The following PWWP3B variants were observed in gnomAD, a reference collection of about 807,000 sequenced individuals.
PWWP3B encodes PWWP domain containing 3B.
A neutral mutation model predicts 15.7 loss-of-function variants in PWWP3B; 5 were observed. The ratio of observed to expected loss-of-function variants is 0.32; its 90% confidence interval spans 0.17 to 0.67. The LOEUF (loss-of-function observed/expected upper bound fraction) is 0.67, where lower values mean the gene tolerates loss of function less well. Among genes scored for constraint, PWWP3B ranks in the 30% least tolerant of loss-of-function variants. The probability of loss-of-function intolerance (pLI) is 0.74; values close to 1 mark genes in which losing one functional copy is unlikely to be tolerated. For synonymous variants in PWWP3B, 203 were observed against 179.8 expected (o/e 1.13, Z -1.03); for missense variants, 519 against 493.1 (o/e 1.05, Z -0.50).
At chrX:106,188,694 A>G (rs1278895284) in intron 2 of PWWP3B, among the ~76,000 whole-genome samples, 2 of 112,442 alleles carry the variant, frequency 1.8e-5, no homozygotes, top group Non-Finnish European at 3.8e-5. Context: ...TCAGTTCCTG[A>G]CAACCACTGA....
At chrX:106,193,867 C>T (rs1490113543) in intron 2 of PWWP3B, among the ~76,000 whole-genome samples, 1 of 112,014 alleles carries the variant, frequency 8.9e-6, no homozygotes, top group African/African-American at 3.2e-5. Flanking sequence ...GAATATTCGC[C>T]CCCACTCTCT....
intron 2 of PWWP3B, among the ~76,000 whole-genome samples, chrX:106,195,311 G>T (rs1229684201): frequency 9.0e-6 from 1 of 111,272 alleles, no homozygotes; most frequent in Non-Finnish European, 1.9e-5. Flanking sequence ...CCCAATCTGG[G>T]TTTTCTTTTC....
intron 2 of PWWP3B, among the ~76,000 whole-genome samples, chrX:106,186,961 A>G (rs1922551489): frequency 8.9e-6 from 1 of 111,833 alleles, no homozygotes; most frequent in Non-Finnish European, 1.9e-5. Context: ...CTCTAGCTAG[A>G]CGCAGAGCGT....
intron 2 of PWWP3B, among the ~76,000 whole-genome samples, chrX:106,191,026 G>A (rs1302828856): frequency 2.7e-5 from 3 of 109,375 alleles, no homozygotes; most frequent in South Asian, 3.9e-4. Context: ...TTGGCGATGC[G>A]GGCTCTTTTT....
At chrX:106,193,332 G>T (rs1923130115) in intron 2 of PWWP3B, among the ~76,000 whole-genome samples, 1 of 111,184 alleles carries the variant, frequency 9.0e-6, no homozygotes, top group Non-Finnish European at 1.9e-5. Context: ...TTGGTTTAAA[G>T]TCTGTTTTAT....
At chrX:106,186,176 G>A (rs1309482280) in intron 2 of PWWP3B, among the ~76,000 whole-genome samples, 1 of 111,234 alleles carries the variant, frequency 9.0e-6, no homozygotes, top group Non-Finnish European at 1.9e-5. Flanking sequence ...TAGGATAGAT[G>A]GGTGAGTCTC....
At chrX:106,195,454 A>C (rs1232285860) in intron 2 of PWWP3B, among the ~76,000 whole-genome samples, 4 of 111,431 alleles carry the variant, frequency 3.6e-5, no homozygotes, top group Non-Finnish European at 7.5e-5. Context: ...TACAAGTTAT[A>C]ATTTTTGGTT....
At chrX:106,198,814 A>C (rs2147628670) in intron 2 of PWWP3B, among the ~76,000 whole-genome samples, 1 of 110,659 alleles carries the variant, frequency 9.0e-6, no homozygotes, top group Admixed American at 9.7e-5. Flanking sequence ...AAAATAAAGC[A>C]AAAAAAATTT....
Position 106,206,887 on chromosome X carries a change from C to T in PWWP3B, c.1455C>T (p.Phe485=). The T allele has an allele frequency of 1.7e-6, 2 of 1,210,837 alleles. No individual in the cohort carries two copies. The highest frequency in any genetic ancestry group is 2.2e-6 in the Non-Finnish European group (2 of 895,121). Residue 485 remains phenylalanine (F), a synonymous_variant, in exon 4 of 4, where the codon TTC becomes TTT. Coordinates refer to ENST00000357175, the MANE Select transcript of PWWP3B (RefSeq NM_001171020.2). Reference sequence around the variant, plus strand: ...GAGTTAGAATAGGTTGTGGTTCTTTCACGGGCTCTTTGCTTGAGTATTATG... The same window carrying T: ...GAGTTAGAATAGGTTGTGGTTCTTTTACGGGCTCTTTGCTTGAGTATTATG... ...DYRVRIGCGS[F]TGSLLEYYAA...
At chrX:106,173,146 A>T (rs1360009726) in intron 2 of PWWP3B, among the ~76,000 whole-genome samples, 1 of 111,668 alleles carries the variant, frequency 9.0e-6, no homozygotes, top group East Asian at 2.8e-4. Flanking sequence ...GCTGAGCCTC[A>T]TTGTGTCCGT....
rs1199916947 is a variant in PWWP3B, at chrX:106,207,520, C to T, written c.2088C>T (p.His696=). 1.1e-5 allele frequency: 12 copies of T among 1,130,809 alleles called. No homozygotes were observed. The highest frequency in any genetic ancestry group is 1.9e-5 in the African/African-American group (1 of 53,899). 93.2% of individuals were successfully genotyped at this position (1,130,809 alleles called of 1,213,427 possible). ...KRRKAPTNEA[H] ...GAAAAGCACCAACAAATGAAGCTCA[C>T]TAAATGTGCTGAAAGTTGAAACCAT... The change falls in exon 4 of 4, where the codon CAC becomes CAT. Residue 696 remains histidine (H), a synonymous_variant. Transcript: ENST00000357175.
intron 2 of PWWP3B, among the ~76,000 whole-genome samples, chrX:106,198,977 GATTATGTATT>G (rs1923537674): frequency 9.1e-6 from 1 of 109,540 alleles, no homozygotes; most frequent in African/African-American, 3.3e-5. Context: ...ATCCTCTTTA[GATTATGTATT>G]AATACCTTGA....
At chrX:106,174,904 T>A (rs1472961835) in intron 2 of PWWP3B, among the ~76,000 whole-genome samples, 1 of 109,305 alleles carries the variant, frequency 9.1e-6, no homozygotes, top group Non-Finnish European at 1.9e-5. Flanking sequence ...AAAAATTAGC[T>A]GGGTGTGGTG....
rs1243751955 is a variant in PWWP3B, at chrX:106,180,710, A to T, written c.-401+9571A>T. 2.7e-5 allele frequency among the ~76,000 whole-genome samples: 3 copies of T among 112,077 alleles called. No individual in the cohort carries two copies. The Admixed American group carries it at 2.8e-4, about 11-fold the overall frequency. On this transcript the variant is annotated intron_variant, in intron 2 of 3. Transcript: ENST00000357175. ...CTAAGAATTTTTGTTAGATGATTGAAAGTTCACTGACTGATTTCTAACCTA... is the reference window on the plus strand; with the variant it reads ...CTAAGAATTTTTGTTAGATGATTGATAGTTCACTGACTGATTTCTAACCTA...
chrX:106,180,837 A>G (rs1922154620), intron 2 of PWWP3B, among the ~76,000 whole-genome samples: 1 of 111,909 alleles, frequency 8.9e-6, no homozygotes, highest in African/African-American at 3.3e-5. Flanking sequence ...TTAAATTGTC[A>G]CTGAACTTTA....
Position 106,207,261 on chromosome X carries a change from T to C in PWWP3B, c.1829T>C (p.Val610Ala). 1 of 1,210,757 alleles carries C rather than the reference T, an allele frequency of 8.3e-7. No homozygotes were observed. Among genetic ancestry groups the C allele is most frequent in the Non-Finnish European group, 1.1e-6 (1 of 894,944 alleles). ...GATGAAGATCAGTTGGATGAAGTGG[T>C]GAAATATTTACAAGAAGTCTGCAAT... ...FEDEDQLDEV[V>A]KYLQEVCNQI... is the part of the protein sequence containing the mutation. The change falls in exon 4 of 4, where the codon GTG (valine) becomes GCG (alanine). Residue 610 changes from valine (V) to alanine (A), a missense_variant. Val to Ala is a moderately conservative substitution (Grantham distance 64). Coordinates refer to ENST00000357175, the MANE Select transcript of PWWP3B (RefSeq NM_001171020.2).
At chrX:106,192,004 T>TA (rs1404780186) in intron 2 of PWWP3B, among the ~76,000 whole-genome samples, 3 of 111,757 alleles carry the variant, frequency 2.7e-5, no homozygotes, top group African/African-American at 9.8e-5. Flanking sequence ...AAAATTGTCT[T>TA]TTTTGGTTGT....
intron 2 of PWWP3B, among the ~76,000 whole-genome samples, chrX:106,185,901 T>C (rs1257762706): frequency 8.9e-6 from 1 of 112,056 alleles, no homozygotes; most frequent in Admixed American, 9.4e-5. Flanking sequence ...GGCCTGCTAG[T>C]CTGAGGATGG....
At chrX:106,179,457 C>T (rs1922071929) in intron 2 of PWWP3B, among the ~76,000 whole-genome samples, 1 of 112,492 alleles carries the variant, frequency 8.9e-6, no homozygotes, top group African/African-American at 3.2e-5. Flanking sequence ...GATTTCCCCT[C>T]ATTCCTGTGT....
Sources: gnomAD v4.1 joint callset for allele counts (sites outside exome capture counted in the v4.1 genomes callset) on GRCh38, gnomAD v4.1.1 for gene constraint, MANE v1.5 for transcripts, NCBI Gene and HGNC (gene_info 2026-07-23, HGNC 2026-07-21) for gene names.